Variants in MCC observed in about 807,000 individuals in gnomAD.
MCC encodes the protein colorectal mutant cancer protein.
A neutral mutation model predicts 116.2 loss-of-function variants in MCC; 90 were observed. That is an observed-to-expected ratio of 0.77 (90% CI 0.65 to 0.92). MCC has a LOEUF of 0.92. Among genes scored for constraint, MCC ranks in the 40% least tolerant of loss-of-function variants. MCC has a pLI of 0.00. For missense variants in MCC, 1,516 were observed against 1,312.2 expected, an observed-to-expected ratio of 1.16 and a Z score of -2.40; for synonymous variants, 578 against 510.5, an observed-to-expected ratio of 1.13 and a Z score of -1.78.
At chr5:113,193,053 T>C (rs73778970) in intron 3 of MCC, among the ~76,000 whole-genome samples, 3,273 of 152,302 alleles carry the variant, frequency 0.021, 122 homozygotes, top group African/African-American at 0.073. Flanking sequence ...CAGCTCTTCC[T>C]ATTCTAGCTT....
chr5:113,333,031 A>G (rs1413245561), intron 3 of MCC, among the ~76,000 whole-genome samples: 1 of 151,764 alleles, frequency 6.6e-6, no homozygotes, highest in Non-Finnish European at 1.5e-5. Flanking sequence ...TGGGAACTGA[A>G]AAGTGTAAAA....
chr5:113,062,399 G>C (rs1753285108), intron 14 of MCC, among the ~76,000 whole-genome samples: 1 of 152,180 alleles, frequency 6.6e-6, no homozygotes, highest in South Asian at 2.1e-4. Flanking sequence ...TTCTAAATTT[G>C]TCTCTGATTC....
At chr5:113,221,433 C>T (rs1763548468) in intron 3 of MCC, among the ~76,000 whole-genome samples, 2 of 152,214 alleles carry the variant, frequency 1.3e-5, no homozygotes, top group African/African-American at 4.8e-5. Flanking sequence ...AAGATGATAA[C>T]AGCCCTTTCC....
chr5:113,478,442 A>G (rs1580427296), intron 1 of MCC, among the ~76,000 whole-genome samples: 2 of 152,314 alleles, frequency 1.3e-5, no homozygotes, highest in South Asian at 4.1e-4. Context: ...TGGATGTAGC[A>G]TTTGAAAAGA....
At chr5:113,267,087 A>G (rs1164613844) in intron 3 of MCC, among the ~76,000 whole-genome samples, 2 of 152,152 alleles carry the variant, frequency 1.3e-5, no homozygotes, top group Non-Finnish European at 2.9e-5. Flanking sequence ...TTATTAAACT[A>G]TTTCAGCAGA....
At chr5:113,149,654 G>A (rs1289319691) in intron 4 of MCC, among the ~76,000 whole-genome samples, 1 of 151,944 alleles carries the variant, frequency 6.6e-6, no homozygotes, top group East Asian at 1.9e-4. Flanking sequence ...TGGAAAGATG[G>A]CTATAGCAGC....
chr5:113,064,028 G>A lies in MCC; in HGVS notation c.2169C>T (p.Cys723=), dbSNP rs200438949. Residue 723 remains cysteine (C), a synonymous_variant, in exon 14 of 19, where the codon TGC becomes TGT. Coordinates refer to ENST00000408903, the MANE Select transcript of MCC (RefSeq NM_001085377.2). The part of the protein sequence containing the change: ...SCGGAFAVAG[C]SVQPWESLSS... ...AAAGGCTCTCCCAGGGCTGCACGCTGCAGCCGGCCACGGCAAAGGCTCCCC... is the reference window on the plus strand; with the variant it reads ...AAAGGCTCTCCCAGGGCTGCACGCTACAGCCGGCCACGGCAAAGGCTCCCC... 2.2e-5 allele frequency: 36 copies of A among 1,614,004 alleles called. No homozygotes were observed. In the East Asian group the frequency reaches 5.3e-4, roughly 24 times the overall value.
intron 1 of MCC, among the ~76,000 whole-genome samples, chr5:113,390,065 A>G (rs1769366323): frequency 6.6e-6 from 1 of 152,180 alleles, no homozygotes; most frequent in Non-Finnish European, 1.5e-5. Context: ...GAACTATATC[A>G]GTAGCAATAA....
chr5:113,471,396 A>G (rs1001095934), intron 1 of MCC, among the ~76,000 whole-genome samples: 14 of 151,046 alleles, frequency 9.3e-5, no homozygotes, highest in African/African-American at 3.4e-4. Flanking sequence ...AACAGACAGG[A>G]CCCTCAACTG....
At chr5:113,031,792 G>C (rs920846004) in intron 17 of MCC, among the ~76,000 whole-genome samples, 2 of 152,090 alleles carry the variant, frequency 1.3e-5, no homozygotes, top group Non-Finnish European at 2.9e-5. Flanking sequence ...GGGACCAGAG[G>C]GAACTTTCTG....
chr5:113,265,807 G>C (rs1765397294), intron 3 of MCC, among the ~76,000 whole-genome samples: 2 of 152,088 alleles, frequency 1.3e-5, no homozygotes, highest in African/African-American at 4.8e-5. Flanking sequence ...CAGACTAGGA[G>C]TAGAATCATA....
intron 6 of MCC, among the ~76,000 whole-genome samples, chr5:113,114,364 A>AGCTC (rs1200282103): frequency 6.6e-6 from 1 of 152,170 alleles, no homozygotes; most frequent in Non-Finnish European, 1.5e-5. Context: ...AGAACTGGAG[A>AGCTC]GCTCTCCTGT....
intron 1 of MCC, among the ~76,000 whole-genome samples, chr5:113,389,778 G>C (rs1308569787): frequency 6.6e-6 from 1 of 152,166 alleles, no homozygotes; most frequent in Non-Finnish European, 1.5e-5. Flanking sequence ...TTGATGGAAT[G>C]ATACTTAAAC....
intron 3 of MCC, among the ~76,000 whole-genome samples, chr5:113,257,463 G>C (rs1765059228): frequency 6.6e-6 from 1 of 152,046 alleles, no homozygotes; most frequent in South Asian, 2.1e-4. Flanking sequence ...TGAAGAAGAG[G>C]GAGCAATCAT....
intron 3 of MCC, among the ~76,000 whole-genome samples, chr5:113,249,132 G>A (rs188033054): frequency 0.017 from 2,351 of 139,462 alleles, 23 homozygotes; most frequent in Non-Finnish European, 0.024. Context: ...GTGAGCCACC[G>A]CACCCAGCTC....
chr5:113,293,607 AT>A (rs1766594842), intron 3 of MCC, among the ~76,000 whole-genome samples: 1 of 152,226 alleles, frequency 6.6e-6, no homozygotes, highest in Non-Finnish European at 1.5e-5. Flanking sequence ...GGCTTTGGGC[AT>A]CTTACCGCTC....
At chr5:113,443,541 G>A (rs1348285238) in intron 1 of MCC, among the ~76,000 whole-genome samples, 1 of 152,160 alleles carries the variant, frequency 6.6e-6, no homozygotes, top group Non-Finnish European at 1.5e-5. Context: ...TGTGGAACAG[G>A]AGTGGTGAGA....
intron 5 of MCC, among the ~76,000 whole-genome samples, chr5:113,133,599 ATCTCT>A (rs938704960): frequency 1.3e-5 from 2 of 152,160 alleles, no homozygotes; most frequent in African/African-American, 2.4e-5. Flanking sequence ...GAATGCAGGT[ATCTCT>A]TCAATATATT....
chr5:113,373,309 G>C (rs776915209), intron 2 of MCC, among the ~76,000 whole-genome samples: 2 of 152,014 alleles, frequency 1.3e-5, no homozygotes, highest in African/African-American at 4.8e-5. Context: ...ACTCTGAAAA[G>C]ACACACATAT....
Sources: allele counts gnomAD v4.1 joint callset (sites outside exome capture counted in the v4.1 genomes callset), GRCh38; gene constraint gnomAD v4.1.1; transcripts MANE v1.5; gene names NCBI Gene and HGNC (gene_info 2026-07-23, HGNC 2026-07-21).